The following NTM variants were observed in gnomAD, a reference collection of about 807,000 sequenced individuals.
NTM encodes IgLON family member 2.
A neutral mutation model predicts 42.1 loss-of-function variants in NTM; 13 were observed. That is an observed-to-expected ratio of 0.31 (90% CI 0.20 to 0.49). The LOEUF (loss-of-function observed/expected upper bound fraction) is 0.49, where lower values mean the gene tolerates loss of function less well. NTM is among the 20% of genes least tolerant of loss of function. The probability of loss-of-function intolerance (pLI) is 0.99; values close to 1 mark genes in which losing one functional copy is unlikely to be tolerated. For synonymous variants in NTM, 187 were observed against 179.2 expected, an observed-to-expected ratio of 1.04 and a Z score of -0.35; for missense variants, 373 against 452.8, an observed-to-expected ratio of 0.82 and a Z score of 1.60.
chr11:132,191,142 C>G (rs1263028411), intron 3 of NTM, among the ~76,000 whole-genome samples: 2 of 152,170 alleles, frequency 1.3e-5, no homozygotes, highest in African/African-American at 2.4e-5. Context: ...TACCCCTGCA[C>G]ACTGCCCCTC....
chr11:132,204,227 A>G (rs1348473007), intron 3 of NTM, among the ~76,000 whole-genome samples: 1 of 152,236 alleles, frequency 6.6e-6, no homozygotes, highest in Non-Finnish European at 1.5e-5. Context: ...TATTTAATAA[A>G]TGGTAATTAT....
intron 1 of NTM, among the ~76,000 whole-genome samples, chr11:131,445,924 G>T (rs1370183134): frequency 1.3e-5 from 2 of 152,190 alleles, no homozygotes; most frequent in Non-Finnish European, 2.9e-5. Context: ...TCCCTACAAG[G>T]ATAGATCTGA....
intron 1 of NTM, among the ~76,000 whole-genome samples, chr11:131,815,938 G>C (rs936488883): frequency 6.6e-6 from 1 of 152,188 alleles, no homozygotes; most frequent in Non-Finnish European, 1.5e-5. Flanking sequence ...TTGTGAGCTG[G>C]GGAAACTGGG....
Position 132,146,614 on chromosome 11 carries a change from T to C in NTM, c.400+100T>C. 7.9e-7 allele frequency: 1 copy of C among 1,263,980 alleles called. No individual in the cohort carries two copies. The highest frequency in any genetic ancestry group is 1.1e-6 in the Non-Finnish European group (1 of 914,870). 78.3% of individuals were successfully genotyped at this position (1,263,980 alleles called of 1,614,324 possible). A position where few individuals can be genotyped will look rare whatever the true frequency, so the allele number is the denominator to read the frequency against. On this transcript the variant is annotated intron_variant, in intron 3 of 8. Transcript: ENST00000683400. The surrounding 1 kb of genome is among the most constrained non-coding windows in gnomAD (Gnocchi z 4.5). ...ATCCTCAACAGAGATGAGTTATCCT[T>C]ATTCTACGCATCTGGGGTCCAGGGC...
At chr11:131,856,565 T>C (rs918662746) in intron 1 of NTM, among the ~76,000 whole-genome samples, 3 of 152,190 alleles carry the variant, frequency 2.0e-5, no homozygotes, top group Non-Finnish European at 4.4e-5. Context: ...CTGTGCTGGA[T>C]GCCAAAAATT....
At chr11:131,932,684 C>A (rs74931197) in intron 2 of NTM, among the ~76,000 whole-genome samples, 2 of 152,190 alleles carry the variant, frequency 1.3e-5, no homozygotes, top group Non-Finnish European at 2.9e-5. Context: ...ATGATTTATA[C>A]CTTAATGAGC....
intron 1 of NTM, among the ~76,000 whole-genome samples, chr11:131,781,303 TA>T (rs1203928141): frequency 2.0e-5 from 3 of 151,950 alleles, no homozygotes; most frequent in Admixed American, 1.3e-4. Context: ...GTAGAAAGCA[TA>T]AAAGTTTTGA....
chr11:131,812,188 C>CTCTCTG (rs1370243289), intron 1 of NTM, among the ~76,000 whole-genome samples: 1 of 22,576 alleles, frequency 4.4e-5, no homozygotes, highest in African/African-American at 1.2e-4. Context: ...GTCAGCCTCT[C>CTCTCTG]TCTCTCTCTC....
At chr11:131,514,706 G>A (rs1217056378) in intron 1 of NTM, among the ~76,000 whole-genome samples, 1 of 151,922 alleles carries the variant, frequency 6.6e-6, no homozygotes. Context: ...AGCCTCCCAA[G>A]TAGCTGAGAC....
intron 2 of NTM, among the ~76,000 whole-genome samples, chr11:131,986,668 C>A (rs536641133): frequency 6.6e-6 from 1 of 152,212 alleles, no homozygotes; most frequent in African/African-American, 2.4e-5. Flanking sequence ...TAGCTGCTGG[C>A]ATGTGACTTA....
At chr11:131,388,321 G>A (rs1006297853) in intron 1 of NTM, among the ~76,000 whole-genome samples, 1 of 151,572 alleles carries the variant, frequency 6.6e-6, no homozygotes, top group South Asian at 2.1e-4. Flanking sequence ...GCCAGATTTA[G>A]CAAATAAAAA....
At chr11:131,688,787 T>C (rs2074272962) in intron 1 of NTM, among the ~76,000 whole-genome samples, 1 of 152,222 alleles carries the variant, frequency 6.6e-6, no homozygotes, top group Non-Finnish European at 1.5e-5. Flanking sequence ...TCCTGCTGTC[T>C]GGAGCACCAT....
At chr11:131,566,407 ATGTGTGTGTGTGTGTCTCGATGTGCG>A (rs973065532) in intron 1 of NTM, among the ~76,000 whole-genome samples, 76 of 147,176 alleles carry the variant, frequency 5.2e-4, no homozygotes, top group African/African-American at 1.7e-3. Context: ...CCACTGGTGC[ATGTGTGTGTGTGTGTCTCGATGTGCG>A]TGTGTGTGTG....
chr11:131,885,159 C>T (rs866294709), intron 1 of NTM, among the ~76,000 whole-genome samples: 5 of 152,162 alleles, frequency 3.3e-5, no homozygotes, highest in South Asian at 2.1e-4. Context: ...ACACCTCACC[C>T]GGGAAGCAGA....
chr11:132,313,758 A>G (rs530618039), intron 6 of NTM, among the ~76,000 whole-genome samples: 218 of 152,182 alleles, frequency 1.4e-3, no homozygotes, highest in Non-Finnish European at 2.4e-3. Flanking sequence ...TAATAAGCAT[A>G]CCTCACTTCC....
At chr11:131,479,944 A>C (rs533657813) in intron 1 of NTM, among the ~76,000 whole-genome samples, 4 of 152,234 alleles carry the variant, frequency 2.6e-5, no homozygotes, top group Admixed American at 1.3e-4. Context: ...AAAATATCAA[A>C]ATTTCAAATA....
chr11:132,081,177 GA>G (rs2058989400), intron 2 of NTM, among the ~76,000 whole-genome samples: 1 of 152,202 alleles, frequency 6.6e-6, no homozygotes, highest in Non-Finnish European at 1.5e-5. Context: ...AGCTGCATAG[GA>G]ATTAGACTGG....
intron 1 of NTM, among the ~76,000 whole-genome samples, chr11:131,545,267 C>T (rs1404269416): frequency 2.0e-5 from 3 of 151,954 alleles, no homozygotes; most frequent in Non-Finnish European, 2.9e-5. Flanking sequence ...ATGCATGATA[C>T]CTTTTCCCTC....
At chr11:131,641,773 C>A (rs1376588464) in intron 1 of NTM, among the ~76,000 whole-genome samples, 2 of 148,266 alleles carry the variant, frequency 1.3e-5, no homozygotes, top group Non-Finnish European at 1.5e-5. Context: ...TGTTCCCAGG[C>A]TGGAGTGCAG....
Sources: gnomAD v4.1 joint callset for allele counts (sites outside exome capture counted in the v4.1 genomes callset) on GRCh38, gnomAD v4.1.1 for gene constraint, Gnocchi (gnomAD v3.1) non-coding constraint, MANE v1.5 for transcripts, NCBI Gene and HGNC (gene_info 2026-07-23, HGNC 2026-07-21) for gene names.